Variants in MAST4 observed in about 807,000 individuals in gnomAD.
MAST4 encodes microtubule-associated serine/threonine-protein kinase 4.
MAST4 carries 89 observed loss-of-function variants against 162.7 expected under a neutral mutation model. That is an observed-to-expected ratio of 0.55 (90% CI 0.46 to 0.65). The LOEUF is 0.65. MAST4 is among the 30% of genes least tolerant of loss of function. The pLI, the probability that MAST4 is intolerant of heterozygous loss-of-function variation, is 0.00. For missense variants in MAST4, 3,153 were observed against 3,374.0 expected, an observed-to-expected ratio of 0.93 and a Z score of 1.62; for synonymous variants, 1,479 against 1,361.1, an observed-to-expected ratio of 1.09 and a Z score of -1.91.
chr5:66,687,627 T>A (rs1040787962), intron 1 of MAST4, among the ~76,000 whole-genome samples: 2 of 125,922 alleles, frequency 1.6e-5, no homozygotes, highest in Non-Finnish European at 3.2e-5. Context: ...TACATAGATG[T>A]GTGTGTGTTT....
Position 67,087,953 on chromosome 5 carries a change from C to T in MAST4, c.764-2209C>T, listed in dbSNP as rs73117383. 5.3e-3 allele frequency among the ~76,000 whole-genome samples: 809 copies of T among 152,216 alleles called. 7 individuals carry two copies. The highest frequency in any genetic ancestry group is 0.019 in the African/African-American group (771 of 41,552). ...GGACCTAGAAAGGCAGCCTAAGATG[C>T]GAAGGCAAAATCTGAATATGGGAAA... On this transcript the variant is annotated intron_variant, in intron 5 of 28. Transcript: ENST00000403625.
At chr5:67,089,092 A>G (rs1304780469) in intron 5 of MAST4, among the ~76,000 whole-genome samples, 3 of 152,224 alleles carry the variant, frequency 2.0e-5, no homozygotes, top group Admixed American at 6.5e-5. Context: ...TAATGTGGCA[A>G]TTGGCTTGCC....
At chr5:66,878,560 A>G (rs1296030495) in intron 3 of MAST4, among the ~76,000 whole-genome samples, 1 of 152,230 alleles carries the variant, frequency 6.6e-6, no homozygotes, top group Non-Finnish European at 1.5e-5. Flanking sequence ...CTTGCCACCA[A>G]CATCTAGGAA....
chr5:67,039,131 A>G (rs1184932681), intron 4 of MAST4, among the ~76,000 whole-genome samples: 1 of 152,200 alleles, frequency 6.6e-6, no homozygotes, highest in East Asian at 1.9e-4. Flanking sequence ...TACCCTTTCA[A>G]TAGGATTTAG....
chr5:66,757,132 G>A (rs1300977606), intron 1 of MAST4, among the ~76,000 whole-genome samples: 1 of 151,842 alleles, frequency 6.6e-6, no homozygotes, highest in African/African-American at 2.4e-5. Context: ...TCTACCCGCT[G>A]TTAATTTGTG....
At chr5:66,727,507 G>A (rs938841900) in intron 1 of MAST4, among the ~76,000 whole-genome samples, 1 of 152,138 alleles carries the variant, frequency 6.6e-6, no homozygotes, top group African/African-American at 2.4e-5. Context: ...ACTCAGTGGA[G>A]GGGAGAGAGG....
intron 1 of MAST4, among the ~76,000 whole-genome samples, chr5:66,717,846 G>A (rs534926979): frequency 6.6e-6 from 1 of 152,240 alleles, no homozygotes; most frequent in South Asian, 2.1e-4. Flanking sequence ...CTAGTCCCAG[G>A]TATTCATTGT....
At chr5:66,912,686 T>C (rs1021159830) in intron 4 of MAST4, among the ~76,000 whole-genome samples, 2 of 152,176 alleles carry the variant, frequency 1.3e-5, no homozygotes, top group African/African-American at 4.8e-5. Context: ...GCATATTACT[T>C]AATTATTATC....
At chr5:66,932,951 A>G (rs1338997374) in intron 4 of MAST4, among the ~76,000 whole-genome samples, 1 of 152,182 alleles carries the variant, frequency 6.6e-6, no homozygotes, top group East Asian at 1.9e-4. Flanking sequence ...TTTGGCATCT[A>G]GTAAACATAG....
chr5:66,947,625 A>T (rs1197516695), intron 4 of MAST4, among the ~76,000 whole-genome samples: 1 of 152,176 alleles, frequency 6.6e-6, no homozygotes, highest in Non-Finnish European at 1.5e-5. Context: ...AAATATCCAT[A>T]GGAGTCTCTT....
At chr5:66,686,251 A>T (rs1016074127) in intron 1 of MAST4, among the ~76,000 whole-genome samples, 2 of 152,194 alleles carry the variant, frequency 1.3e-5, no homozygotes, top group Admixed American at 1.3e-4. Flanking sequence ...GGTGGCTGTA[A>T]GATTAACTGC....
At chr5:67,082,933 G>C (rs1445044108) in intron 5 of MAST4, among the ~76,000 whole-genome samples, 1 of 152,152 alleles carries the variant, frequency 6.6e-6, no homozygotes, top group Non-Finnish European at 1.5e-5. Context: ...CACCAAAAAG[G>C]GAGGTTGGGA....
At chr5:66,614,824 C>G (rs62362270) in intron 1 of MAST4, among the ~76,000 whole-genome samples, 2 of 151,898 alleles carry the variant, frequency 1.3e-5, no homozygotes, top group Non-Finnish European at 2.9e-5. Context: ...ATAGTTCCCT[C>G]GTGTTGGGAG....
intron 4 of MAST4, among the ~76,000 whole-genome samples, chr5:67,050,769 C>T (rs1467817689): frequency 6.6e-6 from 1 of 152,200 alleles, no homozygotes; most frequent in Non-Finnish European, 1.5e-5. Context: ...ATAGTTGTCA[C>T]TTTCCAAATT....
intron 4 of MAST4, among the ~76,000 whole-genome samples, chr5:66,907,467 C>A (rs1012841548): frequency 6.6e-6 from 1 of 152,066 alleles, no homozygotes; most frequent in Non-Finnish European, 1.5e-5. Flanking sequence ...TTGGCTGTCT[C>A]CTGTCTCAAT....
At chr5:66,936,653 C>T (rs1216390102) in intron 4 of MAST4, among the ~76,000 whole-genome samples, 1 of 152,102 alleles carries the variant, frequency 6.6e-6, no homozygotes, top group Non-Finnish European at 1.5e-5. Context: ...AGGAACAGTC[C>T]ATCTGGATGT....
chr5:66,818,098 A>G (rs1756816978), intron 3 of MAST4, among the ~76,000 whole-genome samples: 1 of 152,238 alleles, frequency 6.6e-6, no homozygotes. Flanking sequence ...CAGGTCCTGT[A>G]TACATAAGAG....
intron 4 of MAST4, among the ~76,000 whole-genome samples, chr5:66,954,305 C>T (rs1820823): frequency 0.067 from 10,269 of 152,162 alleles, 1,081 homozygotes; most frequent in African/African-American, 0.23. Context: ...TGTCCCAATT[C>T]TCCATTTTCT....
In MAST4 at chr5:66,639,127, G is replaced by GGTAGGGGTTTGGAA. The variant is rs1309536091; in HGVS notation, c.363+42111_363+42124dup. Among the ~76,000 whole-genome samples, 7 of 152,176 alleles carry GGTAGGGGTTTGGAA rather than the reference G, an allele frequency of 4.6e-5. No individual in the cohort carries two copies. The East Asian group carries it at 1.4e-3, about 29-fold the overall frequency. On this transcript the variant is annotated intron_variant, in intron 1 of 28. Transcript: ENST00000403625. ...GGCTTAATCCTGAGGAGCTCTAATTGGTAGGGGTTTGGAAGAAGGGAATAA... is the reference window on the plus strand; with the variant it reads ...GGCTTAATCCTGAGGAGCTCTAATTGGTAGGGGTTTGGAAGTAGGGGTTTGGAAGAAGGGAATAA...
Sources: gnomAD v4.1 joint callset for allele counts (sites outside exome capture counted in the v4.1 genomes callset) on GRCh38, gnomAD v4.1.1 for gene constraint, MANE v1.5 for transcripts, NCBI Gene and HGNC (gene_info 2026-07-23, HGNC 2026-07-21) for gene names.